The following ERG variants were observed in gnomAD, a reference collection of about 807,000 sequenced individuals.
ERG encodes the protein ETS transcription factor ERG, also known as transcriptional regulator ERG.
ERG carries 9 observed loss-of-function variants against 55.3 expected under a neutral mutation model. That is an observed-to-expected ratio of 0.16 (90% CI 0.10 to 0.28). ERG has a LOEUF of 0.28. Among genes scored for constraint, ERG ranks in the 10% least tolerant of loss-of-function variants. ERG has a pLI of 1.00. For synonymous variants in ERG, 223 were observed against 237.3 expected (o/e 0.94, Z 0.55); for missense variants, 434 against 631.6 (o/e 0.69, Z 3.35).
intron 2 of ERG, among the ~76,000 whole-genome samples, chr21:38,552,434 AC>A: frequency 6.6e-6 from 1 of 152,186 alleles, no homozygotes; most frequent in East Asian, 1.9e-4. Flanking sequence ...GAAATCCTCA[AC>A]AAAATACCAG....
chr21:38,524,803 TA>T (rs2059618900), intron 2 of ERG, among the ~76,000 whole-genome samples: 1 of 152,222 alleles, frequency 6.6e-6, no homozygotes, highest in African/African-American at 2.4e-5. Context: ...CAGTGTCCTT[TA>T]TTCTGGAAAT....
chr21:38,603,311 T>A (rs924961793), intron 1 of ERG, among the ~76,000 whole-genome samples: 1 of 151,974 alleles, frequency 6.6e-6, no homozygotes, highest in Admixed American at 6.5e-5. Context: ...GACTTTCAGA[T>A]AAAATCCGAT....
chr21:38,472,128 T>C (rs1296247163), intron 1 of ERG: 3 of 152,166 alleles, frequency 2.0e-5, no homozygotes, highest in Non-Finnish European at 4.4e-5. Flanking sequence ...GGGCAGAGAC[T>C]GTTTTCCCAG....
intron 1 of ERG, among the ~76,000 whole-genome samples, chr21:38,629,381 T>C (rs982760160): frequency 6.6e-6 from 1 of 152,216 alleles, no homozygotes; most frequent in Non-Finnish European, 1.5e-5. Context: ...GGGCAGTGTA[T>C]TAGTTAAAAT....
chr21:38,508,012 G>GACAAACACACATGCACACACACAGAC lies in ERG; in HGVS notation c.-41+67649_-41+67650insGTCTGTGTGTGTGCATGTGTGTTTGT, dbSNP rs1568866442. On this transcript the variant is annotated intron_variant, in intron 2 of 8. Coordinates refer to the ERG transcript ENST00000398897. ...ACACACACACATGCACACACACAGAGACACACAAACACACATGCACACAAA... is the reference window on the plus strand; with the variant it reads ...ACACACACACATGCACACACACAGAGACAAACACACATGCACACACACAGACACACACAAACACACATGCACACAAA... Among the ~76,000 whole-genome samples, 2 of 1,832 alleles carry GACAAACACACATGCACACACACAGAC rather than the reference G, an allele frequency of 1.1e-3. 1 individual carries two copies. Among genetic ancestry groups the GACAAACACACATGCACACACACAGAC allele is most frequent in the Non-Finnish European group, 2.7e-3 (2 of 740 alleles). The allele number at this position is 1,832 out of a possible 152,430, so 1.2% of individuals were successfully genotyped here.
intron 2 of ERG, among the ~76,000 whole-genome samples, chr21:38,444,955 G>C (rs1305294116): frequency 6.6e-6 from 1 of 152,050 alleles, no homozygotes; most frequent in Non-Finnish European, 1.5e-5. Flanking sequence ...TGTGGGCAAG[G>C]CTCCCCTCCC....
At chr21:38,566,837 T>C (rs1366511103) in intron 2 of ERG, among the ~76,000 whole-genome samples, 1 of 152,268 alleles carries the variant, frequency 6.6e-6, no homozygotes, top group African/African-American at 2.4e-5. Context: ...TGCAGCATCC[T>C]GGGCTCCAAC....
intron 1 of ERG, among the ~76,000 whole-genome samples, chr21:38,464,262 T>C (rs1285960998): frequency 6.6e-6 from 1 of 152,176 alleles, no homozygotes; most frequent in African/African-American, 2.4e-5. Flanking sequence ...CTGGTTTCCG[T>C]GTTTTTCCTG....
rs771540005 is a variant in ERG, at chr21:38,383,184, G to A, written c.*219C>T. ...TACAAGGTCAGTCCACAGATGATAT[G>A]TCCATATTCGTGACATTTTTAGCAT... On this transcript the variant is annotated 3_prime_UTR_variant, in exon 10 of 10. Transcript: ENST00000288319. The surrounding 1 kb of genome is among the most constrained non-coding windows in gnomAD (Gnocchi z 5.7). 202 of 1,276,626 alleles carry A rather than the reference G, an allele frequency of 1.6e-4. No homozygotes were observed. Among genetic ancestry groups the A allele is most frequent in the Non-Finnish European group, 2.0e-4 (198 of 1,013,902 alleles). The allele number at this position is 1,276,626 out of a possible 1,614,324, so 79.1% of individuals were successfully genotyped here.
At chr21:38,623,670 T>C (rs2060307263) in intron 1 of ERG, among the ~76,000 whole-genome samples, 2 of 152,046 alleles carry the variant, frequency 1.3e-5, no homozygotes, top group Admixed American at 6.6e-5. Flanking sequence ...TCAGAGTGAG[T>C]TCCTCCCTCC....
intron 1 of ERG, among the ~76,000 whole-genome samples, chr21:38,656,438 A>C (rs2060519439): frequency 6.6e-6 from 1 of 152,240 alleles, no homozygotes; most frequent in Non-Finnish European, 1.5e-5. Context: ...GAGATTCACA[A>C]CACCAGCTAA....
intron 1 of ERG, among the ~76,000 whole-genome samples, chr21:38,458,442 A>G (rs2059010590): frequency 1.3e-5 from 2 of 148,498 alleles, no homozygotes; most frequent in Non-Finnish European, 1.5e-5. Context: ...AAAAAAAAAA[A>G]AGAATGCACC....
chr21:38,459,193 G>A (rs997643476), intron 1 of ERG, among the ~76,000 whole-genome samples: 11 of 152,140 alleles, frequency 7.2e-5, no homozygotes, highest in South Asian at 6.2e-4. Context: ...GAAGCGCAGC[G>A]CATTTAATTT....
intron 2 of ERG, among the ~76,000 whole-genome samples, chr21:38,534,305 A>G (rs1187904888): frequency 6.6e-6 from 1 of 152,136 alleles, no homozygotes; most frequent in Non-Finnish European, 1.5e-5. Flanking sequence ...TTTCTTTTTA[A>G]GGTTTGGGAG....
In ERG at chr21:38,498,267, T is replaced by C. The variant is rs937870029; in HGVS notation, c.18+96A>G. On this transcript the variant is annotated intron_variant, in intron 1 of 9. Coordinates refer to ENST00000288319, the MANE Select transcript of ERG (RefSeq NM_182918.4). This position sits in a 1 kb window ranked among gnomAD's most constrained non-coding sequence, Gnocchi z 4.6. ...GTCCTCTATTGTGGCAGTGGGGGTG[T>C]TGCCCAACCCTAACTTATCTGCCTT... The C allele has an allele frequency of 2.8e-6, 3 of 1,068,368 alleles. No individual in the cohort carries two copies. The highest frequency in any genetic ancestry group is 2.0e-4 in the Middle Eastern group (1 of 5,050). 66.2% of individuals were successfully genotyped at this position (1,068,368 alleles called of 1,614,324 possible). A position where few individuals can be genotyped will look rare whatever the true frequency, so the allele number is the denominator to read the frequency against.
At position 38,532,823 on chromosome 21, in the gene ERG, G is replaced by A. The variant is rs1365148008; in HGVS notation, c.-41+42839C>T. 3.9e-5 allele frequency among the ~76,000 whole-genome samples: 6 copies of A among 152,282 alleles called. No individual in the cohort carries two copies. In the East Asian group the frequency reaches 1.2e-3, roughly 29 times the overall value. ...TGATGTTCTCATCGGTGATTTATACGTGAAGTGGACTCAAAAGAAATACAA... is the reference window on the plus strand; with the variant it reads ...TGATGTTCTCATCGGTGATTTATACATGAAGTGGACTCAAAAGAAATACAA... On this transcript the variant is annotated intron_variant, in intron 2 of 8. Coordinates refer to the ERG transcript ENST00000398897.
the ERG span, among the ~76,000 whole-genome samples, chr21:38,373,252 T>G: frequency 2.6e-5 from 4 of 152,354 alleles, no homozygotes; most frequent in South Asian, 8.3e-4. Flanking sequence ...CTTTTCCCAT[T>G]AATGGGATAA....
At chr21:38,648,824 G>T (rs765948423) in intron 1 of ERG, among the ~76,000 whole-genome samples, 2 of 152,190 alleles carry the variant, frequency 1.3e-5, no homozygotes, top group African/African-American at 4.8e-5. Flanking sequence ...CATTGGACTC[G>T]CTGGCTTGTT....
intron 2 of ERG, among the ~76,000 whole-genome samples, chr21:38,424,266 C>T (rs1283666642): frequency 6.6e-6 from 1 of 151,366 alleles, no homozygotes; most frequent in African/African-American, 2.4e-5. Context: ...AGGCCATCTG[C>T]AACCCAAGGA....
Sources: allele counts gnomAD v4.1 joint callset (sites outside exome capture counted in the v4.1 genomes callset), GRCh38; gene constraint gnomAD v4.1.1; non-coding constraint Gnocchi (gnomAD v3.1); transcripts MANE v1.5; gene names NCBI Gene and HGNC (gene_info 2026-07-23, HGNC 2026-07-21).